CTNNA2: variants seen among roughly 807,000 people sequenced by gnomAD.
The protein encoded by CTNNA2 is catenin alpha-2.
Under a neutral mutation model 101.0 loss-of-function variants are expected in CTNNA2, and 42 were observed. The observed-to-expected ratio is 0.42, with a 90% CI of 0.32 to 0.54. CTNNA2 has a LOEUF of 0.54. Ranked by LOEUF, CTNNA2 falls within the 20% of genes least tolerant of loss-of-function variation. CTNNA2 has a pLI of 0.14. For synonymous variants in CTNNA2, 450 were observed against 456.4 expected (o/e 0.99, Z 0.18); for missense variants, 871 against 1,223.1 (o/e 0.71, Z 4.29).
chr2:80,397,704 A>G (rs1487988833), intron 8 of CTNNA2, among the ~76,000 whole-genome samples: 1 of 152,132 alleles, frequency 6.6e-6, no homozygotes, highest in African/African-American at 2.4e-5. Flanking sequence ...TTTATAAATT[A>G]CCCAGTCTCA....
chr2:79,225,871 TAAC>T (rs1674401966), intron 2 of CTNNA2, among the ~76,000 whole-genome samples: 1 of 152,246 alleles, frequency 6.6e-6, no homozygotes, highest in African/African-American at 2.4e-5. Context: ...ATATGGAATG[TAAC>T]AACACCATTA....
Position 80,508,602 on chromosome 2 carries a change from A to C in CTNNA2, c.1291-36380A>C, listed in dbSNP as rs73941156. Among the ~76,000 whole-genome samples, 751 of 152,068 alleles carry C rather than the reference A, an allele frequency of 4.9e-3. 5 individuals are homozygous for C. Among genetic ancestry groups the C allele is most frequent in the African/African-American group, 0.017 (703 of 41,476 alleles). On this transcript the variant is annotated intron_variant, in intron 9 of 18. Transcript: ENST00000402739. ...CTAGTCTATATTTTATCTCTGGATC[A>C]ACTCTTATCAGACCATGTGTGCTAG...
intron 4 of CTNNA2, among the ~76,000 whole-genome samples, chr2:79,447,670 G>T (rs1486108086): frequency 1.3e-5 from 2 of 152,006 alleles, no homozygotes; most frequent in Admixed American, 6.6e-5. Flanking sequence ...ACAGTCACCA[G>T]CTGGGTGACC....
At chr2:79,376,958 G>A (rs1239026829) in intron 4 of CTNNA2, among the ~76,000 whole-genome samples, 1 of 152,112 alleles carries the variant, frequency 6.6e-6, no homozygotes, top group Non-Finnish European at 1.5e-5. Flanking sequence ...GTGTGCGTGT[G>A]TCTTTATAGC....
At chr2:80,163,225 T>C in intron 7 of CTNNA2, 1 of 876,298 alleles carries the variant, frequency 1.1e-6, no homozygotes, top group South Asian at 1.5e-5. Flanking sequence ...AGCTTATTAT[T>C]ATAGTAGATT....
At chr2:80,620,390 C>T (rs1422795419) in intron 18 of CTNNA2, among the ~76,000 whole-genome samples, 1 of 151,816 alleles carries the variant, frequency 6.6e-6, no homozygotes, top group African/African-American at 2.4e-5. Context: ...ATCCCTGACC[C>T]CCAAAGTTAT....
chr2:79,894,323 C>T (rs900222954), intron 6 of CTNNA2, among the ~76,000 whole-genome samples: 2 of 151,186 alleles, frequency 1.3e-5, no homozygotes, highest in Non-Finnish European at 2.9e-5. Flanking sequence ...TAACTGGTTG[C>T]CCTGCCCCCC....
At chr2:79,203,147 T>C (rs554531329) in intron 2 of CTNNA2, among the ~76,000 whole-genome samples, 1 of 152,164 alleles carries the variant, frequency 6.6e-6, no homozygotes, top group South Asian at 2.1e-4. Flanking sequence ...GACTCTCCTA[T>C]TGCTTCCCAC....
At chr2:79,406,570 T>C (rs1024906413) in intron 4 of CTNNA2, among the ~76,000 whole-genome samples, 3 of 151,994 alleles carry the variant, frequency 2.0e-5, no homozygotes, top group Admixed American at 6.6e-5. Flanking sequence ...GCAGCTGTCT[T>C]AGGGCAGCTG....
chr2:79,400,109 G>C (rs1044525069), intron 4 of CTNNA2, among the ~76,000 whole-genome samples: 27 of 152,054 alleles, frequency 1.8e-4, no homozygotes, highest in African/African-American at 6.3e-4. Flanking sequence ...ACTCAAAGCA[G>C]GGAGGGGTCT....
At chr2:80,226,943 G>A (rs1437787911) in intron 7 of CTNNA2, among the ~76,000 whole-genome samples, 1 of 151,914 alleles carries the variant, frequency 6.6e-6, no homozygotes, top group East Asian at 1.9e-4. Context: ...TCAACTCTAG[G>A]TTCCTCCTGC....
chr2:79,409,180 T>A (rs1239591075), intron 4 of CTNNA2, among the ~76,000 whole-genome samples: 1 of 152,308 alleles, frequency 6.6e-6, no homozygotes, highest in Non-Finnish European at 1.5e-5. Context: ...TTTGAGTTCA[T>A]TGTAGATTCT....
chr2:80,453,290 G>T (rs747994900), intron 9 of CTNNA2, among the ~76,000 whole-genome samples: 23 of 152,120 alleles, frequency 1.5e-4, no homozygotes, highest in South Asian at 4.2e-4. Context: ...GCCAAGGTTG[G>T]TAGGGATAGG....
At chr2:80,331,507 G>A (rs1462938265) in intron 7 of CTNNA2, among the ~76,000 whole-genome samples, 1 of 152,082 alleles carries the variant, frequency 6.6e-6, no homozygotes, top group African/African-American at 2.4e-5. Flanking sequence ...CTAGCTTATT[G>A]GAGAGGACCA....
chr2:80,303,594 T>A lies in CTNNA2; in HGVS notation c.1057-89617T>A. The A allele has an allele frequency of 6.8e-6, 11 of 1,613,960 alleles. No individual in the cohort carries two copies. Among genetic ancestry groups the A allele is most frequent in the Non-Finnish European group, 9.3e-6 (11 of 1,179,994 alleles). On this transcript the variant is annotated intron_variant, in intron 7 of 18. Coordinates refer to ENST00000402739, the MANE Select transcript of CTNNA2 (RefSeq NM_001282597.3). The surrounding 1 kb of genome is among the most constrained non-coding windows in gnomAD (Gnocchi z 7.7). The stretch of plus-strand genomic sequence containing the variant: ...TGGCCGGCGCGCAGCTCCGAGAGGC[T>A]GTTGTAGCGCAGGGACAAGCCCAGC...
chr2:79,536,937 G>T (rs1017411162), intron 1 of CTNNA2, among the ~76,000 whole-genome samples: 4 of 152,018 alleles, frequency 2.6e-5, no homozygotes, highest in Non-Finnish European at 5.9e-5. Context: ...CCTGAGCTCG[G>T]ACAATCCGCC....
chr2:80,547,840 C>T lies in CTNNA2; in HGVS notation c.1540+1777C>T, dbSNP rs899422007. On this transcript the variant is annotated intron_variant, in intron 11 of 18. Coordinates refer to ENST00000402739, the MANE Select transcript of CTNNA2 (RefSeq NM_001282597.3). Reference sequence around the variant, plus strand: ...GAGTAGCTGGGATTACAGGCGTGAGCCACTATGCCCGGCTAATTTTGTATT... The same window carrying T: ...GAGTAGCTGGGATTACAGGCGTGAGTCACTATGCCCGGCTAATTTTGTATT... Among the ~76,000 whole-genome samples, 104 of 152,116 alleles carry T rather than the reference C, an allele frequency of 6.8e-4. 1 individual carries two copies. Among genetic ancestry groups the T allele is most frequent in the African/African-American group, 2.4e-3 (101 of 41,486 alleles).
intron 9 of CTNNA2, among the ~76,000 whole-genome samples, chr2:80,462,529 A>C (rs1684510422): frequency 6.6e-6 from 1 of 151,936 alleles, no homozygotes; most frequent in African/African-American, 2.4e-5. Context: ...ACTGGATTAA[A>C]CATTTGGGTT....
chr2:79,527,407 G>A (rs1023886737), intron 1 of CTNNA2, among the ~76,000 whole-genome samples: 1 of 148,736 alleles, frequency 6.7e-6, no homozygotes, highest in Non-Finnish European at 1.5e-5. Flanking sequence ...CCAAGGCGGT[G>A]GATCACAAGG....
Sources: allele counts gnomAD v4.1 joint callset (sites outside exome capture counted in the v4.1 genomes callset), GRCh38; gene constraint gnomAD v4.1.1; non-coding constraint Gnocchi (gnomAD v3.1); transcripts MANE v1.5; gene names NCBI Gene and HGNC (gene_info 2026-07-23, HGNC 2026-07-21).